The following CRPPA variants were observed in gnomAD, a reference collection of about 807,000 sequenced individuals.
The protein encoded by CRPPA is D-ribitol-5-phosphate cytidylyltransferase.
In CRPPA, 43 loss-of-function variants were observed where a neutral mutation model predicts 52.0. That is an observed-to-expected ratio of 0.83 (90% CI 0.65 to 1.07). The LOEUF (loss-of-function observed/expected upper bound fraction) is 1.07. Ranked by LOEUF, CRPPA falls within the 50% of genes least tolerant of loss-of-function variation. The probability of loss-of-function intolerance (pLI) is 0.00; values close to 1 mark genes in which losing one functional copy is unlikely to be tolerated. For missense variants in CRPPA, 629 were observed against 551.7 expected (o/e 1.14, Z -1.40); for synonymous variants, 250 against 203.5 (o/e 1.23, Z -1.94).
intron 2 of CRPPA, among the ~76,000 whole-genome samples, chr7:16,400,695 G>C (rs1196261724): frequency 1.3e-5 from 2 of 152,098 alleles, no homozygotes; most frequent in Non-Finnish European, 2.9e-5. Flanking sequence ...TAACCAACTC[G>C]TGTATGACAC....
At chr7:16,210,065 A>C (rs1583430960) in intron 9 of CRPPA, among the ~76,000 whole-genome samples, 1 of 152,356 alleles carries the variant, frequency 6.6e-6, no homozygotes, top group African/African-American at 2.4e-5. Flanking sequence ...CAGATAATGT[A>C]AAAATAAGTT....
chr7:16,093,434 A>T (rs920434705), intron 9 of CRPPA, among the ~76,000 whole-genome samples: 1 of 152,048 alleles, frequency 6.6e-6, no homozygotes, highest in Non-Finnish European at 1.5e-5. Flanking sequence ...CCACCACCCT[A>T]TGTCTGGGTT....
intron 3 of CRPPA, among the ~76,000 whole-genome samples, chr7:16,363,975 A>G (rs1786523052): frequency 6.6e-6 from 1 of 152,184 alleles, no homozygotes; most frequent in African/African-American, 2.4e-5. Flanking sequence ...TAATCTAAGA[A>G]ATTACTAATA....
chr7:16,308,503 C>G lies in CRPPA; in HGVS notation c.789+20G>C, dbSNP rs1277293577. ...ATGAAAGCACAGAAAAGAACCCAAG[C>G]AAGGTATCATCCCTCTTACCTTCCA... On this transcript the variant is annotated intron_variant, in intron 4 of 9. Transcript: ENST00000407010. 1 of 1,350,270 alleles carries G rather than the reference C, an allele frequency of 7.4e-7. No individual in the cohort carries two copies. The highest frequency in any genetic ancestry group is 1.1e-6 in the Non-Finnish European group (1 of 947,522). The allele number at this position is 1,350,270 out of a possible 1,614,324, so 83.6% of individuals were successfully genotyped here. A position where few individuals can be genotyped will look rare whatever the true frequency, so the allele number is the denominator to read the frequency against.
rs1781836896 is a variant in CRPPA, at chr7:16,091,532, A to G, written c.*163T>C. On this transcript the variant is annotated 3_prime_UTR_variant, in exon 10 of 10. Coordinates refer to ENST00000407010, the MANE Select transcript of CRPPA (RefSeq NM_001101426.4). ...CAAAAGTATTCTTTATTTCACAGATATAAACATTAATCTGCTTTATAATCT... is the reference window on the plus strand; with the variant it reads ...CAAAAGTATTCTTTATTTCACAGATGTAAACATTAATCTGCTTTATAATCT... The G allele has an allele frequency of 1.9e-6, 1 of 532,846 alleles. No homozygotes were observed. Among genetic ancestry groups the G allele is most frequent in the Admixed American group, 4.1e-5 (1 of 24,398 alleles). 33.0% of individuals were successfully genotyped at this position (532,846 alleles called of 1,614,324 possible).
At chr7:16,375,351 C>G (rs1786854873) in intron 3 of CRPPA, among the ~76,000 whole-genome samples, 1 of 152,146 alleles carries the variant, frequency 6.6e-6, no homozygotes, top group African/African-American at 2.4e-5. Context: ...AGCTCAATAT[C>G]TGATATTCAA....
chr7:16,253,017 A>G (rs978400679), intron 8 of CRPPA, among the ~76,000 whole-genome samples: 2 of 151,904 alleles, frequency 1.3e-5, no homozygotes, highest in Non-Finnish European at 2.9e-5. Context: ...TAGTCTTGCT[A>G]GTGGTCTATC....
chr7:16,322,856 T>C (rs1162746924), intron 3 of CRPPA, among the ~76,000 whole-genome samples: 1 of 152,168 alleles, frequency 6.6e-6, no homozygotes, highest in Non-Finnish European at 1.5e-5. Context: ...TTTAATTGAC[T>C]CACAGTTCCA....
intron 2 of CRPPA, among the ~76,000 whole-genome samples, chr7:16,395,391 T>G (rs1288461388): frequency 6.6e-6 from 1 of 152,230 alleles, no homozygotes; most frequent in East Asian, 1.9e-4. Flanking sequence ...ATTATAACAA[T>G]GTACAACAGA....
At chr7:16,137,834 T>C (rs548828627) in intron 9 of CRPPA, among the ~76,000 whole-genome samples, 43 of 152,312 alleles carry the variant, frequency 2.8e-4, no homozygotes, top group African/African-American at 8.7e-4. Flanking sequence ...CTATAACCTT[T>C]GCTTTTTTAT....
At chr7:16,272,962 T>A (rs575443094) in intron 6 of CRPPA, among the ~76,000 whole-genome samples, 152 of 152,094 alleles carry the variant, frequency 1.0e-3, no homozygotes, top group African/African-American at 3.2e-3. Flanking sequence ...GTCGCTTTTT[T>A]TTTTATTTTA....
At chr7:16,252,780 A>G (rs1333394916) in intron 8 of CRPPA, among the ~76,000 whole-genome samples, 4 of 152,104 alleles carry the variant, frequency 2.6e-5, no homozygotes, top group Non-Finnish European at 4.4e-5. Context: ...CCTCAATTTC[A>G]GACTCTGTTA....
chr7:16,140,768 C>T (rs547086690), intron 9 of CRPPA, among the ~76,000 whole-genome samples: 1 of 152,234 alleles, frequency 6.6e-6, no homozygotes, highest in South Asian at 2.1e-4. Flanking sequence ...TCCAGTAGTC[C>T]AGAATGATAT....
At chr7:16,315,252 C>G (rs530162463) in intron 3 of CRPPA, among the ~76,000 whole-genome samples, 29 of 152,234 alleles carry the variant, frequency 1.9e-4, no homozygotes, top group Non-Finnish European at 2.8e-4. Context: ...CTTACACTGC[C>G]TACATCTGTT....
intron 5 of CRPPA, among the ~76,000 whole-genome samples, chr7:16,284,136 G>A (rs981664730): frequency 1.3e-5 from 2 of 151,972 alleles, no homozygotes; most frequent in African/African-American, 4.8e-5. Flanking sequence ...TCAAGGGCAA[G>A]GAGATGGACT....
At chr7:16,312,773 A>G (rs1785061291) in intron 3 of CRPPA, among the ~76,000 whole-genome samples, 1 of 151,924 alleles carries the variant, frequency 6.6e-6, no homozygotes, top group Non-Finnish European at 1.5e-5. Flanking sequence ...TCGTTTTCTG[A>G]AATGTATCAT....
intron 3 of CRPPA, among the ~76,000 whole-genome samples, chr7:16,339,338 T>C (rs1454123153): frequency 6.6e-6 from 1 of 152,162 alleles, no homozygotes; most frequent in East Asian, 1.9e-4. Flanking sequence ...TAAGAAGTAC[T>C]ATACACCATG....
intron 2 of CRPPA, among the ~76,000 whole-genome samples, chr7:16,401,743 C>T (rs917283550): frequency 3.9e-5 from 6 of 152,114 alleles, no homozygotes; most frequent in Admixed American, 6.5e-5. Flanking sequence ...GTCCTCATTG[C>T]CACTTCTTTA....
At chr7:16,321,103 A>G (rs1583517163) in intron 3 of CRPPA, among the ~76,000 whole-genome samples, 1 of 152,184 alleles carries the variant, frequency 6.6e-6, no homozygotes, top group African/African-American at 2.4e-5. Context: ...CCAAAAATCC[A>G]TTACAAACTT....
Sources: gnomAD v4.1 joint callset for allele counts (sites outside exome capture counted in the v4.1 genomes callset) on GRCh38, gnomAD v4.1.1 for gene constraint, MANE v1.5 for transcripts, NCBI Gene and HGNC (gene_info 2026-07-23, HGNC 2026-07-21) for gene names.